Variants in TNFSF8 observed in about 807,000 individuals in gnomAD.
TNFSF8 encodes the protein tumor necrosis factor ligand superfamily member 8.
Under a neutral mutation model 22.0 loss-of-function variants are expected in TNFSF8, and 4 were observed. That is an observed-to-expected ratio of 0.18 (90% CI 0.09 to 0.42). TNFSF8 has a LOEUF of 0.42. Among genes scored for constraint, TNFSF8 ranks in the 10% least tolerant of loss-of-function variants. TNFSF8 has a pLI of 1.00. For missense variants in TNFSF8, 233 were observed against 281.8 expected (o/e 0.83, Z 1.24); for synonymous variants, 106 against 112.5 (o/e 0.94, Z 0.37).
chr9:114,920,017 C>T (rs991316098), intron 1 of TNFSF8, among the ~76,000 whole-genome samples: 1 of 152,146 alleles, frequency 6.6e-6, no homozygotes, highest in East Asian at 1.9e-4. Context: ...TAACAGTCTA[C>T]GACTTTGTTG....
chr9:114,926,042 C>T (rs929688930), intron 1 of TNFSF8, among the ~76,000 whole-genome samples: 1 of 152,120 alleles, frequency 6.6e-6, no homozygotes, highest in Admixed American at 6.5e-5. Flanking sequence ...AAATTTCATC[C>T]TGACTTTGTA....
chr9:114,895,182 C>G lies in TNFSF8; in HGVS notation c.410-1018G>C, dbSNP rs78072645. On this transcript the variant is annotated intron_variant, in intron 4 of 4. Transcript: ENST00000618336. ...GCTGATATCCCTGCCTGGTAATTCC[C>G]TCTTCCTGTTGCAAGTGAAATCTAA... Among the ~76,000 whole-genome samples the G allele has an allele frequency of 1.7e-3, 266 of 152,326 alleles. 6 individuals are homozygous for G. The East Asian group carries it at 0.041, about 23-fold the overall frequency.
intron 2 of TNFSF8, among the ~76,000 whole-genome samples, chr9:114,910,742 C>A (rs1271893926): frequency 6.6e-6 from 1 of 152,196 alleles, no homozygotes; most frequent in Non-Finnish European, 1.5e-5. Flanking sequence ...CTCAAGGCGG[C>A]TCTACCATGG....
At chr9:114,913,696 T>C (rs1291207461) in intron 2 of TNFSF8, among the ~76,000 whole-genome samples, 1 of 152,180 alleles carries the variant, frequency 6.6e-6, no homozygotes, top group Non-Finnish European at 1.5e-5. Context: ...ATTTGAGGTC[T>C]CACCCCTCCT....
Position 114,903,069 on chromosome 9 carries a change from A to C in TNFSF8, c.*862T>G, listed in dbSNP as rs1827736492. 1 of 152,232 alleles carries C rather than the reference A, an allele frequency of 6.6e-6. No homozygotes were observed. The allele number at this position is 152,232 out of a possible 1,614,324, so 9.4% of individuals were successfully genotyped here. A position where few individuals can be genotyped will look rare whatever the true frequency, so the allele number is the denominator to read the frequency against. ...CATTCAGGCATTTGCCAGTGAATTGAGAGTGACCACACCCTATTTCTTTAC... is the reference window on the plus strand; with the variant it reads ...CATTCAGGCATTTGCCAGTGAATTGCGAGTGACCACACCCTATTTCTTTAC... On this transcript the variant is annotated 3_prime_UTR_variant, in exon 4 of 4. Transcript: ENST00000223795.
At chr9:114,912,262 A>G (rs1827861228) in intron 2 of TNFSF8, among the ~76,000 whole-genome samples, 1 of 152,248 alleles carries the variant, frequency 6.6e-6, no homozygotes, top group Non-Finnish European at 1.5e-5. Flanking sequence ...CACCCAAACT[A>G]TACCAAACAG....
In TNFSF8 at chr9:114,903,431, C is replaced by T. The variant is rs1827742144; in HGVS notation, c.*500G>A. Reference sequence around the variant, plus strand: ...TGTATCTGCCAGTATAGGGAAGTTTCCTGTGTGAGAGAGTCCTTGATCGCG... The same window carrying T: ...TGTATCTGCCAGTATAGGGAAGTTTTCTGTGTGAGAGAGTCCTTGATCGCG... On this transcript the variant is annotated 3_prime_UTR_variant, in exon 4 of 4. Transcript: ENST00000223795. 6.5e-6 allele frequency: 1 copy of T among 152,840 alleles called. No individual in the cohort carries two copies. The highest frequency in any genetic ancestry group is 2.1e-4 in the South Asian group (1 of 4,842). The allele number at this position is 152,840 out of a possible 1,614,324, so 9.5% of individuals were successfully genotyped here.
At chr9:114,925,282 T>C (rs1828043392) in intron 1 of TNFSF8, among the ~76,000 whole-genome samples, 1 of 152,154 alleles carries the variant, frequency 6.6e-6, no homozygotes, top group African/African-American at 2.4e-5. Flanking sequence ...GCAAATAGCA[T>C]GCAGTTTCTA....
In TNFSF8 at chr9:114,905,825, G is replaced by C; in HGVS notation, c.310+3C>G. 6.2e-7 allele frequency: 1 copy of C among 1,609,428 alleles called. No homozygotes were observed. On this transcript the variant is annotated splice_donor_region_variant and intron_variant, in intron 3 of 3. Coordinates refer to ENST00000223795, the MANE Select transcript of TNFSF8 (RefSeq NM_001244.4). Reference sequence around the variant, plus strand: ...TTTAGGTTTCCTGGGCTTGGTTACTGACCTTGGAGGTAGGCCCATGACTTC... The same window carrying C: ...TTTAGGTTTCCTGGGCTTGGTTACTCACCTTGGAGGTAGGCCCATGACTTC...
chr9:114,917,656 C>G (rs1827936185), intron 2 of TNFSF8, among the ~76,000 whole-genome samples: 1 of 152,186 alleles, frequency 6.6e-6, no homozygotes, highest in African/African-American at 2.4e-5. Context: ...GGTTGCCATG[C>G]CAAGCAATTT....
chr9:114,915,284 G>A (rs565092099), intron 2 of TNFSF8, among the ~76,000 whole-genome samples: 1 of 151,946 alleles, frequency 6.6e-6, no homozygotes, highest in Non-Finnish European at 1.5e-5. Flanking sequence ...TTTACATATT[G>A]TACAAAAGAA....
downstream of TNFSF8, among the ~76,000 whole-genome samples, chr9:114,900,270 C>A (rs1272891901): frequency 2.6e-5 from 4 of 152,168 alleles, no homozygotes; most frequent in Admixed American, 6.5e-5. Flanking sequence ...ACCACTTATT[C>A]TGGGATGGAA....
downstream of TNFSF8, among the ~76,000 whole-genome samples, chr9:114,898,304 A>G (rs905722399): frequency 7.9e-5 from 12 of 152,204 alleles, no homozygotes; most frequent in African/African-American, 2.9e-4. Context: ...GCCTGGCTCA[A>G]TGATGCCTAT....
chr9:114,909,310 T>G (rs1827824341), intron 2 of TNFSF8, among the ~76,000 whole-genome samples: 1 of 152,154 alleles, frequency 6.6e-6, no homozygotes, highest in Admixed American at 6.5e-5. Flanking sequence ...GCAATGTCCC[T>G]GGAATTCTGA....
At position 114,901,847 on chromosome 9, in the gene TNFSF8, T is replaced by C. The variant is rs577361926; in HGVS notation, c.*2084A>G. 101 of 947,646 alleles carry C rather than the reference T, an allele frequency of 1.1e-4. No individual in the cohort carries two copies. Among genetic ancestry groups the C allele is most frequent in the Non-Finnish European group, 1.3e-4 (101 of 795,514 alleles). 58.7% of individuals were successfully genotyped at this position (947,646 alleles called of 1,614,324 possible). A position where few individuals can be genotyped will look rare whatever the true frequency, so the allele number is the denominator to read the frequency against. The stretch of plus-strand genomic sequence containing the variant: ...TTGACACAGCACACTGCTCAGCAGA[T>C]GACTTAAAATTTTCCCTTAGCCATT... On this transcript the variant is annotated 3_prime_UTR_variant, in exon 4 of 4. Coordinates refer to ENST00000223795, the MANE Select transcript of TNFSF8 (RefSeq NM_001244.4).
intron 1 of TNFSF8, among the ~76,000 whole-genome samples, chr9:114,926,539 G>A (rs187401268): frequency 6.6e-6 from 1 of 152,300 alleles, no homozygotes; most frequent in African/African-American, 2.4e-5. Flanking sequence ...AAACATTGAT[G>A]TCTCTCACCA....
At chr9:114,918,916 CCCAAT>C (rs1225857085) in intron 1 of TNFSF8, among the ~76,000 whole-genome samples, 4 of 152,160 alleles carry the variant, frequency 2.6e-5, no homozygotes, top group African/African-American at 7.2e-5. Flanking sequence ...GGACTCAACT[CCCAAT>C]CTGGTGCTTT....
At chr9:114,905,972 A>G (rs1422535197) in intron 2 of TNFSF8, 73 bp from the exon 3 acceptor site, 5 of 985,242 alleles carry the variant, frequency 5.1e-6, no homozygotes, top group South Asian at 2.7e-5. Flanking sequence ...ATCTTTTTCT[A>G]CAACACTTTG....
intron 3 of TNFSF8, 146 bp from the exon 4 acceptor site, chr9:114,904,471 C>T (rs1827760122): frequency 7.5e-6 from 9 of 1,203,166 alleles, no homozygotes; most frequent in Non-Finnish European, 1.0e-5. Flanking sequence ...ATGTTACTCC[C>T]TCTAGAGTCT....
Sources: allele counts gnomAD v4.1 joint callset (sites outside exome capture counted in the v4.1 genomes callset), GRCh38; gene constraint gnomAD v4.1.1; transcripts MANE v1.5; gene names NCBI Gene and HGNC (gene_info 2026-07-23, HGNC 2026-07-21).